The following FRMD6 variants were observed in gnomAD, a reference collection of about 807,000 sequenced individuals.
FRMD6 encodes the protein FERM domain-containing protein 6.
Under a neutral mutation model 73.2 loss-of-function variants are expected in FRMD6, and 37 were observed. The ratio of observed to expected loss-of-function variants is 0.51; its 90% CI spans 0.39 to 0.66. FRMD6 has a LOEUF of 0.66. Ranked by LOEUF, FRMD6 falls within the 30% of genes least tolerant of loss-of-function variation. The probability of loss-of-function intolerance (pLI) is 0.00; values close to 1 mark genes in which losing one functional copy is unlikely to be tolerated. For synonymous variants in FRMD6, 273 were observed against 282.2 expected (o/e 0.97, Z 0.33); for missense variants, 714 against 780.5 (o/e 0.91, Z 1.02).
chr14:51,613,309 G>T (rs1890585903), intron 2 of FRMD6, among the ~76,000 whole-genome samples: 2 of 152,112 alleles, frequency 1.3e-5, no homozygotes. Context: ...CTTAATGATT[G>T]TTTGCATGTG....
chr14:51,566,008 C>A (rs1452840065), intron 1 of FRMD6, among the ~76,000 whole-genome samples: 1 of 152,004 alleles, frequency 6.6e-6, no homozygotes, highest in Non-Finnish European at 1.5e-5. Context: ...ACTAAAAATA[C>A]AAAAAAATTA....
chr14:51,499,262 C>A (rs1225527361), intron 1 of FRMD6, among the ~76,000 whole-genome samples: 1 of 152,222 alleles, frequency 6.6e-6, no homozygotes, highest in Non-Finnish European at 1.5e-5. Context: ...TGTAGTTTTT[C>A]TCTGTTCACA....
chr14:51,607,835 G>A (rs1004253004), intron 2 of FRMD6, among the ~76,000 whole-genome samples: 3 of 152,216 alleles, frequency 2.0e-5, no homozygotes, highest in Admixed American at 2.0e-4. Flanking sequence ...GTGCCACGCT[G>A]TGCTTGCGGT....
chr14:51,706,482 A>C (rs1403272525), intron 6 of FRMD6, among the ~76,000 whole-genome samples: 1 of 152,086 alleles, frequency 6.6e-6, no homozygotes, highest in Non-Finnish European at 1.5e-5. Flanking sequence ...CCTGCCAGCC[A>C]TTCCAGCTTC....
chr14:51,721,205 GT>G (rs552914575), intron 11 of FRMD6, among the ~76,000 whole-genome samples: 1,611 of 152,316 alleles, frequency 0.011, 16 homozygotes, highest in Middle Eastern at 0.017. Flanking sequence ...ATCAGTTTCG[GT>G]TTGTCCTTTG....
At chr14:51,440,457 T>G in the FRMD6 span, among the ~76,000 whole-genome samples, 1 of 152,244 alleles carries the variant, frequency 6.6e-6, no homozygotes. Flanking sequence ...TTATGATCTT[T>G]ATTCCAAAAA....
chr14:51,678,518 A>G (rs1894552348), intron 1 of FRMD6, among the ~76,000 whole-genome samples: 1 of 152,008 alleles, frequency 6.6e-6, no homozygotes. Flanking sequence ...ACCAACGCTG[A>G]CTCCCATTGT....
intron 6 of FRMD6, among the ~76,000 whole-genome samples, chr14:51,707,054 G>A (rs1260447435): frequency 6.6e-6 from 1 of 151,920 alleles, no homozygotes; most frequent in Admixed American, 6.6e-5. Flanking sequence ...CCCACCCTTG[G>A]GATCACCAAA....
the FRMD6 span, among the ~76,000 whole-genome samples, chr14:51,481,117 T>C: frequency 6.6e-6 from 1 of 152,332 alleles, no homozygotes; most frequent in African/African-American, 2.4e-5. Flanking sequence ...GCAAAGATCA[T>C]TTCATGAAAA....
intron 1 of FRMD6, among the ~76,000 whole-genome samples, chr14:51,493,238 A>G (rs1883116249): frequency 6.6e-6 from 1 of 152,202 alleles, no homozygotes. Flanking sequence ...GATCTTAGCA[A>G]TATGTGTTTA....
the FRMD6 span, among the ~76,000 whole-genome samples, chr14:51,456,486 C>T: frequency 1.3e-5 from 2 of 152,274 alleles, no homozygotes; most frequent in African/African-American, 4.8e-5. Context: ...TGAACTCATC[C>T]TTTTTTTACA....
At chr14:51,626,881 C>CAAATTACAAA (rs1891137303) in intron 2 of FRMD6, among the ~76,000 whole-genome samples, 4 of 152,128 alleles carry the variant, frequency 2.6e-5, no homozygotes, top group African/African-American at 9.7e-5. Flanking sequence ...TAATTATTAG[C>CAAATTACAAA]TATAATTTGT....
intron 1 of FRMD6, among the ~76,000 whole-genome samples, chr14:51,514,617 G>A (rs554568532): frequency 1.6e-4 from 24 of 152,338 alleles, no homozygotes; most frequent in African/African-American, 5.3e-4. Flanking sequence ...GGAGGCCAAG[G>A]CAGGCAGATC....
At chr14:51,515,396 C>G (rs1050118673) in intron 1 of FRMD6, among the ~76,000 whole-genome samples, 1 of 152,216 alleles carries the variant, frequency 6.6e-6, no homozygotes, top group Non-Finnish European at 1.5e-5. Flanking sequence ...CTGGCTGCCT[C>G]CCTGAACGTC....
At chr14:51,612,357 C>A (rs1353485447) in intron 2 of FRMD6, among the ~76,000 whole-genome samples, 1 of 152,134 alleles carries the variant, frequency 6.6e-6, no homozygotes, top group African/African-American at 2.4e-5. Flanking sequence ...TCTCTCTGTA[C>A]AAAATATATC....
At chr14:51,528,291 C>T (rs1566794708) in intron 1 of FRMD6, among the ~76,000 whole-genome samples, 2 of 152,138 alleles carry the variant, frequency 1.3e-5, no homozygotes, top group Non-Finnish European at 2.9e-5. Flanking sequence ...CCCAGCTGGC[C>T]CTCAGAGATC....
intron 2 of FRMD6, among the ~76,000 whole-genome samples, chr14:51,691,058 G>A (rs1895530494): frequency 6.6e-6 from 1 of 152,102 alleles, no homozygotes; most frequent in Admixed American, 6.5e-5. Flanking sequence ...AAACTATTCT[G>A]ATCTCTTGTC....
the FRMD6 span, chr14:51,436,349 G>C: frequency 4.9e-6 from 2 of 406,572 alleles, no homozygotes; most frequent in African/African-American, 4.2e-5. Context: ...ATCCAAAAGT[G>C]TCTGCACTGC....
intron 1 of FRMD6, among the ~76,000 whole-genome samples, chr14:51,521,215 C>G (rs1884938976): frequency 6.6e-6 from 1 of 152,010 alleles, no homozygotes; most frequent in African/African-American, 2.4e-5. Flanking sequence ...GTGAAACTGT[C>G]CAGTAGTATA....
Sources: allele counts gnomAD v4.1 joint callset (sites outside exome capture counted in the v4.1 genomes callset), GRCh38; gene constraint gnomAD v4.1.1; transcripts MANE v1.5; gene names NCBI Gene and HGNC (gene_info 2026-07-23, HGNC 2026-07-21).